Variants in ITGA2 observed in about 807,000 individuals in gnomAD.
The protein encoded by ITGA2 is integrin subunit alpha 2, also known as integrin alpha-2.
A neutral mutation model predicts 146.3 loss-of-function variants in ITGA2; 101 were observed. The ratio of observed to expected loss-of-function variants is 0.69; its 90% CI spans 0.59 to 0.81. The LOEUF (loss-of-function observed/expected upper bound fraction) is 0.81, where lower values mean the gene tolerates loss of function less well. Ranked by LOEUF, ITGA2 falls within the 40% of genes least tolerant of loss-of-function variation. The probability of loss-of-function intolerance (pLI) is 0.00; values close to 1 mark genes in which losing one functional copy is unlikely to be tolerated. For missense variants in ITGA2, 1,281 were observed against 1,402.7 expected (o/e 0.91, Z 1.39); for synonymous variants, 477 against 487.1 (o/e 0.98, Z 0.27).
Position 53,062,792 on chromosome 5 carries a change from T to C in ITGA2, c.1465T>C (p.Ser489Pro), listed in dbSNP as rs757136835. The change falls in exon 13 of 30, where the codon TCC (serine) becomes CCC (proline). Residue 489 changes from serine (S) to proline (P), a missense_variant. Transcript: ENST00000296585. Reference protein sequence around the residue: ...IQAHRGDQIGSYFGSVLCSVD... With the variant: ...IQAHRGDQIGPYFGSVLCSVD... ...ACATGTTTTATTACTCCAGATTGGC[T>C]CCTATTTTGGTAGTGTGCTGTGTTC... 6.2e-7 allele frequency: 1 copy of C among 1,611,524 alleles called. No homozygotes were observed. The highest frequency in any genetic ancestry group is 8.5e-7 in the Non-Finnish European group (1 of 1,178,142).
chr5:53,048,263 T>C, intron 4 of ITGA2, 100 bp from the exon 5 acceptor site: 1 of 896,690 alleles, frequency 1.1e-6, no homozygotes, highest in East Asian at 2.4e-5. Context: ...TATTAGTATC[T>C]TAGAAAAGAG....
intron 1 of ITGA2, among the ~76,000 whole-genome samples, chr5:53,005,261 C>T (rs16880636): frequency 0.16 from 23,660 of 151,804 alleles, 1,927 homozygotes; most frequent in South Asian, 0.18. Context: ...ACGTGTCATC[C>T]TCCTAACCAT....
At chr5:53,045,129 G>T (rs1345755995) in intron 4 of ITGA2, 37 bp downstream of exon 4, 1 of 1,456,216 alleles carries the variant, frequency 6.9e-7, no homozygotes. Context: ...TTCCTCTCAA[G>T]AAAGTACATA....
At chr5:53,083,260 T>C (rs1157667726) in intron 26 of ITGA2, 80 bp from the exon 27 acceptor site, 6 of 884,752 alleles carry the variant, frequency 6.8e-6, no homozygotes, top group Non-Finnish European at 1.1e-5. Context: ...CTGAGTTTTA[T>C]CTAGCTTTAA....
At chr5:53,041,593 G>A (rs1231467098) in intron 2 of ITGA2, among the ~76,000 whole-genome samples, 1 of 152,106 alleles carries the variant, frequency 6.6e-6, no homozygotes, top group Admixed American at 6.5e-5. Flanking sequence ...ACGTAGCCAC[G>A]AGCCACATGT....
chr5:53,046,753 G>T (rs544165138), intron 4 of ITGA2, among the ~76,000 whole-genome samples: 1 of 152,020 alleles, frequency 6.6e-6, no homozygotes, highest in Admixed American at 6.5e-5. Flanking sequence ...TACTTAGAAG[G>T]TCAAAATCAT....
At chr5:53,076,063 G>C (rs950418535) in intron 23 of ITGA2, among the ~76,000 whole-genome samples, 1 of 151,976 alleles carries the variant, frequency 6.6e-6, no homozygotes, top group Non-Finnish European at 1.5e-5. Flanking sequence ...CTAATAGGTC[G>C]ATATCACTTT....
At chr5:53,065,746 T>A (rs1421778333) in intron 14 of ITGA2, 95 bp from the exon 15 acceptor site, 1 of 1,481,084 alleles carries the variant, frequency 6.8e-7, no homozygotes, top group East Asian at 2.4e-5. Context: ...TCTGGGACAT[T>A]ACTATATAGA....
At chr5:53,065,267 C>A in intron 14 of ITGA2, 152 bp downstream of exon 14, 1 of 797,558 alleles carries the variant, frequency 1.3e-6, no homozygotes, top group Non-Finnish European at 2.1e-6. Context: ...TACTGTGTGC[C>A]CAAGCACTGT....
At chr5:53,064,348 T>C (rs1434371334) in intron 13 of ITGA2, among the ~76,000 whole-genome samples, 1 of 151,946 alleles carries the variant, frequency 6.6e-6, no homozygotes, top group African/African-American at 2.4e-5. Context: ...AAATGGATGC[T>C]GTTCAGCTAC....
chr5:53,071,437 C>T (rs561583878), intron 17 of ITGA2, among the ~76,000 whole-genome samples: 1 of 151,734 alleles, frequency 6.6e-6, no homozygotes, highest in South Asian at 2.1e-4. Flanking sequence ...ACTTGCTAAG[C>T]CCGCAGCCAG....
intron 1 of ITGA2, among the ~76,000 whole-genome samples, chr5:52,998,443 A>C (rs1475894654): frequency 6.6e-6 from 1 of 152,192 alleles, no homozygotes; most frequent in Non-Finnish European, 1.5e-5. Context: ...TGACAGAGCC[A>C]GACGCTGTCT....
Position 53,067,986 on chromosome 5 carries a change from T to C in ITGA2, c.2083+729T>C, listed in dbSNP as rs143400944. ...ATCTCACCATGCTCAATGCATAGCT[T>C]GCAATTTAACACTTGATTCAAAGCT... On this transcript the variant is annotated intron_variant, in intron 16 of 29. Transcript: ENST00000296585. Among the ~76,000 whole-genome samples, 136 of 152,032 alleles carry C rather than the reference T, an allele frequency of 8.9e-4. 1 individual carries two copies. The East Asian group carries it at 0.014, about 15-fold the overall frequency.
At chr5:53,041,124 GA>G (rs1185643774) in intron 2 of ITGA2, among the ~76,000 whole-genome samples, 5 of 151,742 alleles carry the variant, frequency 3.3e-5, no homozygotes, top group East Asian at 1.9e-4. Context: ...ATACTGACAT[GA>G]AAAAAAATGG....
At chr5:53,021,405 G>A (rs1742674789) in intron 1 of ITGA2, among the ~76,000 whole-genome samples, 1 of 152,078 alleles carries the variant, frequency 6.6e-6, no homozygotes, top group Non-Finnish European at 1.5e-5. Flanking sequence ...AATTTCTGTG[G>A]CCCAGCCACC....
At chr5:53,060,068 C>T (rs1402309082) in intron 11 of ITGA2, 56 bp downstream of exon 11, 7 of 1,578,524 alleles carry the variant, frequency 4.4e-6, no homozygotes, top group Non-Finnish European at 5.2e-6. Flanking sequence ...TTTAAACCAG[C>T]TCTTTGTTGA....
chr5:53,086,375 GTGATA>G (rs1161682711), intron 27 of ITGA2, among the ~76,000 whole-genome samples: 3 of 152,184 alleles, frequency 2.0e-5, no homozygotes, highest in Non-Finnish European at 4.4e-5. Context: ...TTATACTGAT[GTGATA>G]TAACAAGCTG....
At position 53,008,095 on chromosome 5, in the gene ITGA2, A is replaced by G. The variant is rs146218022; in HGVS notation, c.64+18563A>G. 1.2e-3 allele frequency among the ~76,000 whole-genome samples: 179 copies of G among 152,100 alleles called. 2 individuals are homozygous for G. In the South Asian group the frequency reaches 0.027, roughly 23 times the overall value. On this transcript the variant is annotated intron_variant, in intron 1 of 29. Coordinates refer to ENST00000296585, the MANE Select transcript of ITGA2 (RefSeq NM_002203.4). ...CTTGTATTAGTCAGCTCGGGTTATC[A>G]TAACAAAATATCACAGACTAGGTGG... is the stretch of plus-strand genomic sequence containing the variant.
chr5:53,030,118 GAC>G (rs1743154348), intron 2 of ITGA2, among the ~76,000 whole-genome samples: 1 of 152,194 alleles, frequency 6.6e-6, no homozygotes, highest in Admixed American at 6.5e-5. Flanking sequence ...GACGAAAAGG[GAC>G]ACAGAGTTGA....
Sources: allele counts gnomAD v4.1 joint callset (sites outside exome capture counted in the v4.1 genomes callset), GRCh38; gene constraint gnomAD v4.1.1; transcripts MANE v1.5; gene names NCBI Gene and HGNC (gene_info 2026-07-23, HGNC 2026-07-21).